UGT1A7: variants seen among roughly 807,000 people sequenced by gnomAD.
The protein encoded by UGT1A7 is UDP glucuronosyltransferase family 1 member A7.
Under a neutral mutation model 45.6 loss-of-function variants are expected in UGT1A7, and 33 were observed. The observed-to-expected ratio is 0.72, with a 90% CI of 0.55 to 0.97. The LOEUF (loss-of-function observed/expected upper bound fraction) is 0.97, where lower values mean the gene tolerates loss of function less well. Ranked by LOEUF, UGT1A7 falls within the 50% of genes least tolerant of loss-of-function variation. The pLI is 0.00. For missense variants in UGT1A7, 684 were observed against 666.2 expected (o/e 1.03, Z -0.29); for synonymous variants, 274 against 250.6 (o/e 1.09, Z -0.88).
At chr2:233,683,676 C>A (rs45486299) in intron 1 of UGT1A7, among the ~76,000 whole-genome samples, 1 of 152,170 alleles carries the variant, frequency 6.6e-6, no homozygotes, top group Admixed American at 6.5e-5. Context: ...TCTTATTAAC[C>A]TTTATTCCTC....
intron 1 of UGT1A7, among the ~76,000 whole-genome samples, chr2:233,694,872 C>G (rs2075245016): frequency 6.6e-6 from 1 of 152,168 alleles, no homozygotes; most frequent in Non-Finnish European, 1.5e-5. Context: ...TATAGTTGTA[C>G]ACATTTGGGG....
chr2:233,730,114 C>G (rs2125751951), intron 1 of UGT1A7: 1 of 1,562,004 alleles, frequency 6.4e-7, no homozygotes, highest in Admixed American at 1.9e-5. Context: ...TCTGCTTCTC[C>G]TTGTCATAAT....
At chr2:233,718,992 G>T (rs746825567) in intron 1 of UGT1A7, 3 of 1,614,262 alleles carry the variant, frequency 1.9e-6, no homozygotes, top group Non-Finnish European at 2.5e-6. Flanking sequence ...AGGCCACCAG[G>T]CGGTGGTCCT....
intron 1 of UGT1A7, chr2:233,689,954 C>A (rs1473720603): frequency 2.2e-6 from 1 of 456,550 alleles, no homozygotes; most frequent in Non-Finnish European, 4.4e-6. Flanking sequence ...TCCTTTATTT[C>A]CATGCTTGGA....
chr2:233,761,232 A>G, intron 1 of UGT1A7: 1 of 1,613,036 alleles, frequency 6.2e-7, no homozygotes, highest in Non-Finnish European at 8.5e-7. Flanking sequence ...CCCCAGATAT[A>G]TGCTGAGCAA....
intron 1 of UGT1A7, among the ~76,000 whole-genome samples, chr2:233,732,370 CTA>C (rs2078265306): frequency 6.6e-6 from 1 of 152,226 alleles, no homozygotes; most frequent in African/African-American, 2.4e-5. Context: ...TGGCCCATGC[CTA>C]TGTCTTCTAG....
At chr2:233,734,382 A>G (rs189270285) in intron 1 of UGT1A7, among the ~76,000 whole-genome samples, 35 of 152,082 alleles carry the variant, frequency 2.3e-4, no homozygotes, top group Admixed American at 1.0e-3. Context: ...TGCCTTTACT[A>G]TTTTTTATTG....
intron 1 of UGT1A7, among the ~76,000 whole-genome samples, chr2:233,690,163 G>T (rs1373821993): frequency 1.3e-5 from 2 of 152,186 alleles, no homozygotes. Context: ...TTGACATGTA[G>T]TTATGTTTTT....
chr2:233,718,634 G>C (rs2076669947), intron 1 of UGT1A7: 1 of 1,457,400 alleles, frequency 6.9e-7, no homozygotes, highest in Non-Finnish European at 9.2e-7. Flanking sequence ...GTCTTTCCCA[G>C]GGTTGGGCCC....
chr2:233,691,781 C>T (rs977345614), intron 1 of UGT1A7: 4 of 282,536 alleles, frequency 1.4e-5, no homozygotes, highest in Non-Finnish European at 2.1e-5. Context: ...TCACCACGTA[C>T]TGGCTAGACT....
chr2:233,690,980 A>C, intron 1 of UGT1A7: 2 of 997,300 alleles, frequency 2.0e-6, no homozygotes, highest in Non-Finnish European at 2.4e-6. Context: ...AACAGGACCC[A>C]CATATGAGCA....
At chr2:233,742,476 C>T (rs1691992737) in intron 1 of UGT1A7, among the ~76,000 whole-genome samples, 1 of 151,926 alleles carries the variant, frequency 6.6e-6, no homozygotes, top group Non-Finnish European at 1.5e-5. Flanking sequence ...AGTAAACTCA[C>T]AACCTTCAGC....
intron 1 of UGT1A7, chr2:233,693,506 G>T: frequency 6.2e-7 from 1 of 1,614,138 alleles, no homozygotes; most frequent in Non-Finnish European, 8.5e-7. Flanking sequence ...CCTACCATCT[G>T]TGTACCTCTT....
intron 1 of UGT1A7, among the ~76,000 whole-genome samples, chr2:233,711,138 C>G (rs1200151642): frequency 1.3e-5 from 2 of 152,230 alleles, no homozygotes; most frequent in Non-Finnish European, 2.9e-5. Flanking sequence ...AAGCTGATGC[C>G]TTGGGCTGCT....
intron 1 of UGT1A7, chr2:233,761,049 G>A (rs1344319848): frequency 1.2e-6 from 2 of 1,614,174 alleles, no homozygotes; most frequent in Non-Finnish European, 1.7e-6. Flanking sequence ...CATCTGTCTG[G>A]CTGTTTAGAA....
At chr2:233,772,206 G>A (rs1305891412) in intron 4 of UGT1A7, 56 bp from the exon 5 acceptor site, 2 of 1,609,236 alleles carry the variant, frequency 1.2e-6, no homozygotes, top group Non-Finnish European at 1.7e-6. Context: ...AGCATAAAGA[G>A]AGGATTGTTC....
At chr2:233,705,607 A>G (rs28898586) in intron 1 of UGT1A7, among the ~76,000 whole-genome samples, 1,928 of 152,348 alleles carry the variant, frequency 0.013, 41 homozygotes, top group African/African-American at 0.043. Context: ...GGCTCTGAAG[A>G]GAGAAGAAAC....
At chr2:233,698,168 C>T (rs962502449) in intron 1 of UGT1A7, among the ~76,000 whole-genome samples, 2 of 152,148 alleles carry the variant, frequency 1.3e-5, no homozygotes, top group East Asian at 1.9e-4. Context: ...TCCTAGAGAA[C>T]ATTCTGTATT....
rs1469426427 is a variant in UGT1A7, at chr2:233,723,650, T to C, written c.855+40858T>C. Among the ~76,000 whole-genome samples, 5 of 102,194 alleles carry C rather than the reference T, an allele frequency of 4.9e-5. 1 individual carries two copies. Among genetic ancestry groups the C allele is most frequent in the African/African-American group, 1.4e-4 (3 of 21,894 alleles). 67.0% of individuals were successfully genotyped at this position (102,194 alleles called of 152,430 possible). A position where few individuals can be genotyped will look rare whatever the true frequency, so the allele number is the denominator to read the frequency against. On this transcript the variant is annotated intron_variant, in intron 1 of 4. Coordinates refer to ENST00000373426, the MANE Select transcript of UGT1A7 (RefSeq NM_019077.3). ...AGATAAACAAGTGAACAAAGGTCTC[T>C]GGTTTTCCCAGGCAGAGGACCCTGC...
Sources: allele counts gnomAD v4.1 joint callset (sites outside exome capture counted in the v4.1 genomes callset), GRCh38; gene constraint gnomAD v4.1.1; transcripts MANE v1.5; gene names NCBI Gene and HGNC (gene_info 2026-07-23, HGNC 2026-07-21).